Variants in MYOT observed in about 807,000 individuals in gnomAD.
MYOT encodes 57 kDa cytoskeletal protein.
MYOT carries 36 observed loss-of-function variants against 58.0 expected under a neutral mutation model. That is an observed-to-expected ratio of 0.62 (90% CI 0.48 to 0.82). The LOEUF is 0.82. Among genes scored for constraint, MYOT ranks in the 40% least tolerant of loss-of-function variants. MYOT has a pLI of 0.00. For synonymous variants in MYOT, 218 were observed against 204.6 expected, an observed-to-expected ratio of 1.07 and a Z score of -0.56; for missense variants, 505 against 592.1, an observed-to-expected ratio of 0.85 and a Z score of 1.53.
intron 2 of MYOT, among the ~76,000 whole-genome samples, chr5:137,873,392 G>A (rs1430292758): frequency 6.6e-6 from 1 of 151,940 alleles, no homozygotes; most frequent in Non-Finnish European, 1.5e-5. Context: ...AAATTAGCAG[G>A]GTGTTGTGGC....
intron 2 of MYOT, among the ~76,000 whole-genome samples, chr5:137,871,847 G>C (rs1416760140): frequency 6.6e-6 from 1 of 152,164 alleles, no homozygotes; most frequent in East Asian, 1.9e-4. Flanking sequence ...CAGCTTTCCT[G>C]TTCCTTGGCT....
chr5:137,880,659 T>C (rs1416216272), intron 4 of MYOT, 157 bp from the exon 5 acceptor site: 1 of 632,276 alleles, frequency 1.6e-6, no homozygotes, highest in South Asian at 1.9e-5. Flanking sequence ...GTTAGTGCAC[T>C]GTACTTTAAG....
intron 7 of MYOT, among the ~76,000 whole-genome samples, chr5:137,885,697 G>A (rs1213048398): frequency 6.7e-6 from 1 of 149,392 alleles, no homozygotes; most frequent in Non-Finnish European, 1.5e-5. Flanking sequence ...CCTTGAACCT[G>A]GGAGGCGGAG....
At chr5:137,873,717 T>C (rs1026320328) in intron 2 of MYOT, among the ~76,000 whole-genome samples, 3 of 152,140 alleles carry the variant, frequency 2.0e-5, no homozygotes, top group Non-Finnish European at 4.4e-5. Context: ...ACTTTAAAAA[T>C]TTATATAGAC....
At position 137,883,476 on chromosome 5, in the gene MYOT, G is replaced by A; in HGVS notation, c.909G>A (p.Lys303=). ...TGCACAAAATGATAGTGTCTGAGAA[G>A]GGTCTTCATTCACTCATCTTTGAAG... ...DDLHKMIVSE[K]GLHSLIFEVV... The change falls in exon 7 of 10, where the codon AAG becomes AAA. Residue 303 remains lysine (K), a synonymous_variant. Coordinates refer to ENST00000239926, the MANE Select transcript of MYOT (RefSeq NM_006790.3). The A allele has an allele frequency of 3.1e-6, 5 of 1,614,020 alleles. No homozygotes were observed. Among genetic ancestry groups the A allele is most frequent in the African/African-American group, 1.3e-5 (1 of 75,014 alleles).
Position 137,887,466 on chromosome 5 carries a change from C to A in MYOT, c.*81C>A. On this transcript the variant is annotated 3_prime_UTR_variant, in exon 10 of 10. Coordinates refer to ENST00000239926, the MANE Select transcript of MYOT (RefSeq NM_006790.3). ...ACATTTTTTTGAAATTAATCCATAG[C>A]TGTATTAACAGATTATGGTTTTAAT... 1 of 1,307,476 alleles carries A rather than the reference C, an allele frequency of 7.6e-7. No individual in the cohort carries two copies. Among genetic ancestry groups the A allele is most frequent in the Non-Finnish European group, 1.1e-6 (1 of 916,746 alleles). 81.0% of individuals were successfully genotyped at this position (1,307,476 alleles called of 1,614,324 possible).
intron 7 of MYOT, among the ~76,000 whole-genome samples, chr5:137,883,905 C>T (rs940329615): frequency 2.6e-5 from 4 of 152,120 alleles, no homozygotes; most frequent in Non-Finnish European, 4.4e-5. Context: ...CATTTCTAGA[C>T]GTAACTATAG....
chr5:137,874,295 C>A (rs765034300), intron 2 of MYOT, among the ~76,000 whole-genome samples: 1 of 152,018 alleles, frequency 6.6e-6, no homozygotes, highest in Admixed American at 6.6e-5. Context: ...GGCAAAACCC[C>A]GTCTCTACTA....
At position 137,886,682 on chromosome 5, in the gene MYOT, G is replaced by C. The variant is rs1190973137; in HGVS notation, c.1191-182G>C. 6.3e-6 allele frequency: 4 copies of C among 637,190 alleles called. No homozygotes were observed. The African/African-American group carries it at 7.4e-5, about 12-fold the overall frequency. 39.5% of individuals were successfully genotyped at this position (637,190 alleles called of 1,614,324 possible). A position where few individuals can be genotyped will look rare whatever the true frequency, so the allele number is the denominator to read the frequency against. On this transcript the variant is annotated intron_variant, in intron 8 of 9. Transcript: ENST00000239926. ...CCATCAGGGGACAGATTGAAGAGCA[G>C]AGGGAGACAGCACCCAAGGGGGGAT...
At chr5:137,886,597 C>A in intron 8 of MYOT, 1 of 495,084 alleles carries the variant, frequency 2.0e-6, no homozygotes, top group Non-Finnish European at 3.7e-6. Flanking sequence ...CAGGACCCCT[C>A]CATTCCCCTA....
rs1439372814 is a variant in MYOT at position 137,870,978 on chromosome 5, C to G, written c.327C>G (p.Ser109Arg). Residue 109 changes from serine to arginine, a missense_variant, in exon 2 of 10, where the codon AGC (serine) becomes AGG (arginine). Coordinates refer to ENST00000239926, the MANE Select transcript of MYOT (RefSeq NM_006790.3). The stretch of plus-strand genomic sequence containing the variant: ...TACCATCACAGCCTGATTACAATAG[C>G]AGTAAAATCCCTTCCGCTATGGATT... ...SILPSQPDYN[S>R]SKIPSAMDSN... The G allele has an allele frequency of 6.2e-7, 1 of 1,613,900 alleles. No homozygotes were observed. The highest frequency in any genetic ancestry group is 8.5e-7 in the Non-Finnish European group (1 of 1,179,902).
chr5:137,887,603 G>C lies in MYOT; in HGVS notation c.*218G>C. 4.0e-6 allele frequency: 1 copy of C among 252,292 alleles called. No homozygotes were observed. Among genetic ancestry groups the C allele is most frequent in the South Asian group, 9.3e-5 (1 of 10,738 alleles). The allele number at this position is 252,292 out of a possible 1,614,324, so 15.6% of individuals were successfully genotyped here. On this transcript the variant is annotated 3_prime_UTR_variant, in exon 10 of 10. Transcript: ENST00000239926. ...ACAGGAAATCTGGGTATATGGATTT[G>C]TAACTGCAGAAGACTATCTTAAAAT...
intron 7 of MYOT, among the ~76,000 whole-genome samples, chr5:137,884,572 A>G (rs1755536539): frequency 6.6e-6 from 1 of 152,230 alleles, no homozygotes; most frequent in Admixed American, 6.5e-5. Context: ...CTTTAAATAT[A>G]CAAGTTGAGT....
chr5:137,881,680 T>C (rs981085493), intron 5 of MYOT, among the ~76,000 whole-genome samples: 3 of 152,112 alleles, frequency 2.0e-5, no homozygotes, highest in Admixed American at 1.3e-4. Context: ...CGTCAAAAAC[T>C]TAATTTGGAT....
Position 137,871,001 on chromosome 5 carries a change from A to G in MYOT, c.350A>G (p.Asp117Gly), listed in dbSNP as rs1755034009. Reference sequence around the variant, plus strand: ...AGCAGTAAAATCCCTTCCGCTATGGATTCCAAGTAAGTGAATTTTTATATA... The same window carrying G: ...AGCAGTAAAATCCCTTCCGCTATGGGTTCCAAGTAAGTGAATTTTTATATA... ...YNSSKIPSAM[D>G]SNYQQSSAGQ... The change falls in exon 2 of 10, where the codon GAT (aspartate) becomes GGT (glycine). Residue 117 changes from aspartate to glycine, a missense_variant. Coordinates refer to ENST00000239926, the MANE Select transcript of MYOT (RefSeq NM_006790.3). 1.2e-6 allele frequency: 2 copies of G among 1,612,560 alleles called. No individual in the cohort carries two copies. Among genetic ancestry groups the G allele is most frequent in the Admixed American group, 1.7e-5 (1 of 59,934 alleles).
In MYOT at chr5:137,882,081, A is replaced by G. The variant is rs767662850; in HGVS notation, c.792A>G (p.Gly264=). The G allele has an allele frequency of 6.2e-7, 1 of 1,614,214 alleles. No individual in the cohort carries two copies. Among genetic ancestry groups the G allele is most frequent in the South Asian group, 1.1e-5 (1 of 91,088 alleles). The change falls in exon 6 of 10, where the codon GGA becomes GGG. Residue 264 remains glycine (G), a synonymous_variant. Transcript: ENST00000239926. ...QVPENMSIDE[G]RFCRMDFKVS... ...CAGAGAACATGTCGATTGATGAAGGAAGATTCTGCAGAATGGACTTCAAAG... is the reference window on the plus strand; with the variant it reads ...CAGAGAACATGTCGATTGATGAAGGGAGATTCTGCAGAATGGACTTCAAAG...
chr5:137,883,837 T>C (rs1014863883), intron 7 of MYOT, among the ~76,000 whole-genome samples: 2 of 152,094 alleles, frequency 1.3e-5, no homozygotes, highest in African/African-American at 4.8e-5. Context: ...TCACCAAAGC[T>C]TTTCTGGAAA....
chr5:137,873,998 T>C (rs923046869), intron 2 of MYOT, among the ~76,000 whole-genome samples: 1 of 152,224 alleles, frequency 6.6e-6, no homozygotes, highest in African/African-American at 2.4e-5. Flanking sequence ...GAAATACATT[T>C]ATACTTAGCT....
In MYOT at chr5:137,882,044, T is replaced by G; in HGVS notation, c.755T>G (p.Phe252Cys). Residue 252 changes from phenylalanine (F) to cysteine (C), a missense_variant, in exon 6 of 10, where the codon TTC (phenylalanine) becomes TGC (cysteine). Coordinates refer to ENST00000239926, the MANE Select transcript of MYOT (RefSeq NM_006790.3). ...CAGGAGAAATTTTACCCACCACGTT[T>G]CATTCAAGTGCCAGAGAACATGTCG... ...AIQEKFYPPR[F>C]IQVPENMSID... 6.2e-7 allele frequency: 1 copy of G among 1,614,196 alleles called. No homozygotes were observed. The highest frequency in any genetic ancestry group is 1.3e-5 in the African/African-American group (1 of 75,064).
Sources: gnomAD v4.1 joint callset for allele counts (sites outside exome capture counted in the v4.1 genomes callset) on GRCh38, gnomAD v4.1.1 for gene constraint, MANE v1.5 for transcripts, NCBI Gene and HGNC (gene_info 2026-07-23, HGNC 2026-07-21) for gene names.